Variants in MED23 observed in about 807,000 individuals in gnomAD.
The protein encoded by MED23 is mediator of RNA polymerase II transcription subunit 23.
MED23 carries 105 observed loss-of-function variants against 163.9 expected under a neutral mutation model. The ratio of observed to expected loss-of-function variants is 0.64; its 90% CI spans 0.55 to 0.75. The LOEUF (loss-of-function observed/expected upper bound fraction) is 0.75, where lower values mean the gene tolerates loss of function less well. MED23 is among the 30% of genes least tolerant of loss of function. The probability of loss-of-function intolerance (pLI) is 0.00; values close to 1 mark genes in which losing one functional copy is unlikely to be tolerated. For synonymous variants in MED23, 561 were observed against 565.6 expected (o/e 0.99, Z 0.12); for missense variants, 1,054 against 1,649.0 (o/e 0.64, Z 6.25).
chr6:131,610,417 A>G (rs369247305), intron 10 of MED23, among the ~76,000 whole-genome samples, 171 bp from the exon 11 acceptor site: 47 of 152,182 alleles, frequency 3.1e-4, no homozygotes, highest in African/African-American at 1.1e-3. Flanking sequence ...TTATATTATT[A>G]TACAGGATAA....
In MED23 at chr6:131,624,803, C is replaced by T. The variant is rs972646999; in HGVS notation, c.284+62G>A. On this transcript the variant is annotated intron_variant, in intron 4 of 28. Coordinates refer to ENST00000368068, the MANE Select transcript of MED23 (RefSeq NM_004830.4). Reference sequence around the variant, plus strand: ...TACCTTTTTACAACAACAACCTCAACCAATTTCCAATCACATATAGAAAAG... The same window carrying T: ...TACCTTTTTACAACAACAACCTCAATCAATTTCCAATCACATATAGAAAAG... The T allele has an allele frequency of 1.8e-5, 29 of 1,584,716 alleles. 2 individuals carry two copies. Among genetic ancestry groups the T allele is most frequent in the Middle Eastern group, 1.7e-4 (1 of 6,016 alleles).
Position 131,603,066 on chromosome 6 carries a change from G to T in MED23, c.1895C>A (p.Ala632Glu). The T allele has an allele frequency of 6.2e-7, 1 of 1,613,968 alleles. No individual in the cohort carries two copies. Among genetic ancestry groups the T allele is most frequent in the Non-Finnish European group, 8.5e-7 (1 of 1,179,856 alleles). ...QLLSHLHTLA[A>E]VAQTNQNQLH... ...CTGGTTCTGGTTTGTTTGTGCAACTGCAGCCAAAGTATGAAGATGACTCAG... is the reference window on the plus strand; with the variant it reads ...CTGGTTCTGGTTTGTTTGTGCAACTTCAGCCAAAGTATGAAGATGACTCAG... The change falls in exon 16 of 29, where the codon GCA becomes GAA. Residue 632 changes from alanine (A) to glutamate (E), a missense_variant. Physicochemically the swap from Ala to Glu is moderately radical, Grantham distance 107. Transcript: ENST00000368068.
In MED23 at chr6:131,628,076, G is replaced by T; in HGVS notation, c.-27C>A. 6.2e-7 allele frequency: 1 copy of T among 1,613,716 alleles called. No individual in the cohort carries two copies. Among genetic ancestry groups the T allele is most frequent in the Non-Finnish European group, 8.5e-7 (1 of 1,179,982 alleles). On this transcript the variant is annotated 5_prime_UTR_variant, in exon 1 of 29. Coordinates refer to ENST00000368068, the MANE Select transcript of MED23 (RefSeq NM_004830.4). ...TGTACTATCACCCCCGCCTTTCCAG[G>T]GTGCCCGGCAAGGCCCGGATCAGAC...
At position 131,591,330 on chromosome 6, in the gene MED23, T is replaced by G. The variant is rs753511838; in HGVS notation, c.3669A>C (p.Gln1223His). The G allele has an allele frequency of 2.7e-5, 43 of 1,611,912 alleles. No homozygotes were observed. The highest frequency in any genetic ancestry group is 3.6e-5 in the Non-Finnish European group (42 of 1,178,058). ...HAVWHHSSIG[Q>H]LSLIPKFLTE... Reference sequence around the variant, plus strand: ...ATACTTACTTTGGAATGAGAGAAAGTTGTCCGATGCTAGAATGGTGCCACA... The same window carrying G: ...ATACTTACTTTGGAATGAGAGAAAGGTGTCCGATGCTAGAATGGTGCCACA... Residue 1223 changes from glutamine to histidine, a missense_variant, in exon 26 of 29, where the codon CAA becomes CAC. Around this residue, in one of 11 missense-constraint regions of MED23, gnomAD observed 362 missense variants for 471.6 expected, o/e 0.77. Coordinates refer to ENST00000368068, the MANE Select transcript of MED23 (RefSeq NM_004830.4).
intron 10 of MED23, among the ~76,000 whole-genome samples, chr6:131,614,627 C>T (rs772724194): frequency 6.6e-5 from 10 of 152,122 alleles, no homozygotes; most frequent in Non-Finnish European, 1.3e-4. Context: ...GAGAGGAGCT[C>T]ACTCTAGGAG....
At chr6:131,576,964 C>A (rs1306006889) in intron 30 of MED23, among the ~76,000 whole-genome samples, 4 of 151,606 alleles carry the variant, frequency 2.6e-5, no homozygotes, top group Non-Finnish European at 5.9e-5. Flanking sequence ...AGCCAAACTA[C>A]AGTATAAGAT....
At position 131,607,980 on chromosome 6, in the gene MED23, G is replaced by C; in HGVS notation, c.1169C>G (p.Ala390Gly). 2 of 1,613,906 alleles carry C rather than the reference G, an allele frequency of 1.2e-6. No individual in the cohort carries two copies. The highest frequency in any genetic ancestry group is 1.7e-6 in the Non-Finnish European group (2 of 1,179,892). The stretch of plus-strand genomic sequence containing the variant: ...GAGCTTCATCACAGGGAGAAAATCA[G>C]CTAGTGCATTTTTCTGAATACTTCC... ...ISGSIQKNAL[A>G]DFLPVMKLFD... is the part of the protein sequence containing the mutation. Residue 390 changes from alanine (A) to glycine (G), a missense_variant, in exon 12 of 29, where the codon GCT becomes GGT. Physicochemically the swap from Ala to Gly is moderately conservative, Grantham distance 60. Coordinates refer to ENST00000368068, the MANE Select transcript of MED23 (RefSeq NM_004830.4).
Position 131,602,069 on chromosome 6 carries a change from A to G in MED23, c.2095+149T>C, listed in dbSNP as rs563638009. The stretch of plus-strand genomic sequence containing the variant: ...ATGGTACACAAAAGAGCTTCCATAA[A>G]TGAGTGAAATAGTGAAGATATCAAA... On this transcript the variant is annotated intron_variant, in intron 17 of 28. Coordinates refer to ENST00000368068, the MANE Select transcript of MED23 (RefSeq NM_004830.4). 5.0e-5 allele frequency: 42 copies of G among 835,296 alleles called. No individual in the cohort carries two copies. In the African/African-American group the frequency reaches 5.4e-4, roughly 11 times the overall value. 51.7% of individuals were successfully genotyped at this position (835,296 alleles called of 1,614,324 possible). A position where few individuals can be genotyped will look rare whatever the true frequency, so the allele number is the denominator to read the frequency against.
downstream of MED23, chr6:131,584,403 A>T (rs1347445548): frequency 1.4e-5 from 2 of 142,848 alleles, no homozygotes; most frequent in Non-Finnish European, 3.1e-5. Flanking sequence ...CACACCCCAC[A>T]TTCATAAAAA....
chr6:131,627,355 CA>C, intron 3 of MED23, 40 bp downstream of exon 3: 1 of 1,434,302 alleles, frequency 7.0e-7, no homozygotes, highest in Non-Finnish European at 9.6e-7. Context: ...AAGAAGAGGC[CA>C]AAAATCATCA....
At chr6:131,592,747 A>G (rs1345389054) in intron 24 of MED23, 6 of 601,404 alleles carry the variant, frequency 1.0e-5, no homozygotes, top group Non-Finnish European at 1.8e-5. Flanking sequence ...GTTTTAAGTG[A>G]CAAGTTAACA....
At chr6:131,589,623 T>G in intron 27 of MED23, 27 bp from the exon 28 acceptor site, 1 of 1,610,390 alleles carries the variant, frequency 6.2e-7, no homozygotes, top group Non-Finnish European at 8.5e-7. Context: ...GTAAAATTAT[T>G]TAAGTGATCA....
chr6:131,593,080 A>C lies in MED23; in HGVS notation c.3324T>G (p.Thr1108=), dbSNP rs772810295. Residue 1108 remains threonine, a synonymous_variant, in exon 24 of 29, where the codon ACT becomes ACG. Coordinates refer to ENST00000368068, the MANE Select transcript of MED23 (RefSeq NM_004830.4). Reference sequence around the variant, plus strand: ...CTGCCAAGGCCATGAGCTCCACACAAGTAACATGGAGAGCATGGGCAGCTG... The same window carrying C: ...CTGCCAAGGCCATGAGCTCCACACACGTAACATGGAGAGCATGGGCAGCTG... ...PNPAAHALHV[T]CVELMALAVS... 1.9e-6 allele frequency: 3 copies of C among 1,614,236 alleles called. No homozygotes were observed. In the African/African-American group the frequency reaches 4.0e-5, roughly 22 times the overall value.
chr6:131,610,741 T>C (rs930816705), intron 10 of MED23, among the ~76,000 whole-genome samples: 1 of 152,230 alleles, frequency 6.6e-6, no homozygotes, highest in Non-Finnish European at 1.5e-5. Context: ...TAACTTTATA[T>C]ACAGAGGTAT....
At chr6:131,575,013 T>C (rs1773546835) in intron 30 of MED23, among the ~76,000 whole-genome samples, 1 of 152,172 alleles carries the variant, frequency 6.6e-6, no homozygotes, top group Non-Finnish European at 1.5e-5. Context: ...CATTTAGGGA[T>C]TGGGCCCAGC....
Position 131,598,525 on chromosome 6 carries a change from A to G in MED23, c.2426+31T>C, listed in dbSNP as rs747815546. On this transcript the variant is annotated intron_variant, in intron 19 of 28. Transcript: ENST00000368068. This position sits in a 1 kb window ranked among gnomAD's most constrained non-coding sequence, Gnocchi z 4.7. ...TGTTGTATGGATACAACAATTTGCC[A>G]AATGGAATGCAAATTAGGTTTTTGA... 1.2e-6 allele frequency: 2 copies of G among 1,613,286 alleles called. No homozygotes were observed. The highest frequency in any genetic ancestry group is 1.7e-6 in the Non-Finnish European group (2 of 1,179,364).
At chr6:131,584,895 AGGCTAAGGCGGGAG>A (rs1416701232), downstream of MED23, among the ~76,000 whole-genome samples, 1 of 151,170 alleles carries the variant, frequency 6.6e-6, no homozygotes, top group Non-Finnish European at 1.5e-5. Flanking sequence ...GCTACTCAGA[AGGCTAAGGCGGGAG>A]GACTGCTTGA....
intron 30 of MED23, chr6:131,576,717 G>A: frequency 6.2e-7 from 1 of 1,613,994 alleles, no homozygotes; most frequent in South Asian, 1.1e-5. Flanking sequence ...TGGTCTGCTT[G>A]AGAAACTTAA....
chr6:131,579,198 T>C (rs867223787), intron 30 of MED23: 1 of 1,613,880 alleles, frequency 6.2e-7, no homozygotes, highest in South Asian at 1.1e-5. Context: ...CCAAGGTCTG[T>C]GGGAAAAGCA....
Sources: gnomAD v4.1 joint callset for allele counts (sites outside exome capture counted in the v4.1 genomes callset) on GRCh38, gnomAD v4.1.1 for gene constraint, gnomAD v4.1.1 regional missense constraint, Gnocchi (gnomAD v3.1) non-coding constraint, MANE v1.5 for transcripts, NCBI Gene and HGNC (gene_info 2026-07-23, HGNC 2026-07-21) for gene names.